PTCH2: variants seen among roughly 807,000 people sequenced by gnomAD.
PTCH2 encodes the protein protein patched homolog 2.
In PTCH2, 96 loss-of-function variants were observed where a neutral mutation model predicts 117.9. That is an observed-to-expected ratio of 0.81 (90% CI 0.69 to 0.96). The LOEUF is 0.96. Ranked by LOEUF, PTCH2 falls within the 50% of genes least tolerant of loss-of-function variation. The pLI is 0.00. For synonymous variants in PTCH2, 615 were observed against 660.9 expected (o/e 0.93, Z 1.06); for missense variants, 1,379 against 1,562.5 (o/e 0.88, Z 1.98).
At chr1:44,821,529 C>A (rs1652912633), downstream of PTCH2, among the ~76,000 whole-genome samples, 1 of 152,218 alleles carries the variant, frequency 6.6e-6, no homozygotes, top group Non-Finnish European at 1.5e-5. Context: ...CTTTCCTGAT[C>A]TGCCTCCACC....
At chr1:44,841,053 C>T (rs1028802599) in intron 2 of PTCH2, among the ~76,000 whole-genome samples, 5 of 151,802 alleles carry the variant, frequency 3.3e-5, no homozygotes, top group Non-Finnish European at 5.9e-5. Context: ...CACCTGTGAT[C>T]CCAGCTACTT....
rs757126865 is a variant in PTCH2, at chr1:44,823,180, G to T, written c.3258-12C>A. On this transcript the variant is annotated splice_polypyrimidine_tract_variant and intron_variant, in intron 20 of 21. Transcript: ENST00000372192. The surrounding 1 kb of genome is among the most constrained non-coding windows in gnomAD (Gnocchi z 5.1). ...CCGCAAAGAAGTACCTAGGGGTAGG[G>T]TGTGGGGGGAGTCAGCCCAGGCCTG... is the stretch of plus-strand genomic sequence containing the variant. The T allele has an allele frequency of 6.2e-7, 1 of 1,614,150 alleles. No individual in the cohort carries two copies. Among genetic ancestry groups the T allele is most frequent in the Non-Finnish European group, 8.5e-7 (1 of 1,180,002 alleles).
chr1:44,826,856 G>C lies in PTCH2; in HGVS notation c.2695+46C>G, dbSNP rs1266274665. 8 of 1,613,016 alleles carry C rather than the reference G, an allele frequency of 5.0e-6. No individual in the cohort carries two copies. Among genetic ancestry groups the C allele is most frequent in the Non-Finnish European group, 6.8e-6 (8 of 1,179,318 alleles). On this transcript the variant is annotated intron_variant, in intron 17 of 21. Transcript: ENST00000372192. The surrounding 1 kb of genome is among the most constrained non-coding windows in gnomAD (Gnocchi z 5.1). ...GGGCAGGGCCTCAGGCTCAGGGCTTGTGTGGGCGAGGCTGAGGCTCTTGCC... is the reference window on the plus strand; with the variant it reads ...GGGCAGGGCCTCAGGCTCAGGGCTTCTGTGGGCGAGGCTGAGGCTCTTGCC...
Position 44,827,954 on chromosome 1 carries a change from CTCCTGGCCT to C in PTCH2, c.1938_1946del (p.Gly647_Glu649del). 1 of 1,614,224 alleles carries C rather than the reference CTCCTGGCCT, an allele frequency of 6.2e-7. No individual in the cohort carries two copies. Among genetic ancestry groups the C allele is most frequent in the Non-Finnish European group, 8.5e-7 (1 of 1,180,046 alleles). On this transcript the variant is annotated inframe_deletion, in exon 14 of 22. Transcript: ENST00000372192. ...AGGCTGCCTTCTGCCTTGTCTCCTC[CTCCTGGCCT>C]AGAAGGTCCCGTGTGGACCCTCCAG...
chr1:44,830,433 A>G (rs1010904151), intron 6 of PTCH2, among the ~76,000 whole-genome samples: 1 of 151,848 alleles, frequency 6.6e-6, no homozygotes, highest in Non-Finnish European at 1.5e-5. Flanking sequence ...TAATCCCAGC[A>G]CTTTGGGAGG....
chr1:44,838,772 T>G (rs373185890), intron 2 of PTCH2, among the ~76,000 whole-genome samples: 2 of 150,980 alleles, frequency 1.3e-5, no homozygotes, highest in Non-Finnish European at 3.0e-5. Flanking sequence ...CAGGCTAGAG[T>G]GCAGTGGCAC....
At chr1:44,820,702 G>A, downstream of PTCH2, 1 of 718,278 alleles carries the variant, frequency 1.4e-6, no homozygotes, top group South Asian at 1.5e-5. Context: ...GATCTCCTCG[G>A]GCCTGGAAAG....
chr1:44,828,284 C>T lies in PTCH2; in HGVS notation c.1709+12G>A, dbSNP rs369351238. The T allele has an allele frequency of 9.4e-5, 151 of 1,613,424 alleles. No homozygotes were observed. The highest frequency in any genetic ancestry group is 1.2e-4 in the Non-Finnish European group (142 of 1,179,718). ...GGGTCACGGGAGGAAGGGGCTGGGG[C>T]GCAGGCAGTACCTGGAGAAGCAGCA... On this transcript the variant is annotated intron_variant, in intron 13 of 21. Coordinates refer to ENST00000372192, the MANE Select transcript of PTCH2 (RefSeq NM_003738.5).
At position 44,828,551 on chromosome 1, in the gene PTCH2, C is replaced by T. The variant is rs200923293; in HGVS notation, c.1545G>A (p.Met515Ile). Residue 515 changes from methionine (M) to isoleucine (I), a missense_variant, in exon 12 of 22, where the codon ATG (methionine) becomes ATA (isoleucine). Met to Ile is a conservative substitution (Grantham distance 10, BLOSUM62 1). Coordinates refer to ENST00000372192, the MANE Select transcript of PTCH2 (RefSeq NM_003738.5). ...TSINNMAAFLMAALVPIPALR... is the reference protein window; with the variant it reads ...TSINNMAAFLIAALVPIPALR... The stretch of plus-strand genomic sequence containing the variant: ...GCGCAGGGATGGGAACGAGGGCAGC[C>T]ATGAGGAAGGCGGCCATGTTGTTGA... 1.2e-6 allele frequency: 2 copies of T among 1,613,964 alleles called. No individual in the cohort carries two copies. The highest frequency in any genetic ancestry group is 1.6e-4 in the Middle Eastern group (1 of 6,078).
chr1:44,822,818 T>C (rs889990216), intron 21 of PTCH2, 149 bp from the exon 22 acceptor site: 1 of 952,760 alleles, frequency 1.0e-6, no homozygotes, highest in African/African-American at 1.6e-5. Context: ...CGACAGGATG[T>C]TGAGGCCTGG....
intron 2 of PTCH2, among the ~76,000 whole-genome samples, chr1:44,840,446 C>T (rs192621018): frequency 7.2e-4 from 105 of 146,630 alleles, no homozygotes; most frequent in African/African-American, 2.4e-3. Flanking sequence ...CACGGTGGCT[C>T]ACACCTGTAA....
rs781116824 is a variant in PTCH2 at position 44,829,428 on chromosome 1, G to A, written c.1189C>T (p.Arg397Cys). ...ATGAGCAGATAGCCTCCCACCACAC[G>A]GGCAGCACTGACTTCAGAGAACGCA... ...LHAFSEVSAARVVGGYLLMLA... is the reference protein window; with the variant it reads ...LHAFSEVSAACVVGGYLLMLA... The change falls in exon 9 of 22, where the codon CGT (arginine) becomes TGT (cysteine). Residue 397 changes from arginine (R) to cysteine (C), a missense_variant. By Grantham distance (180) the Arg-to-Cys change is radical (BLOSUM62 -3). Transcript: ENST00000372192. 21 of 1,613,798 alleles carry A rather than the reference G, an allele frequency of 1.3e-5. No homozygotes were observed. Among genetic ancestry groups the A allele is most frequent in the Admixed American group, 1.2e-4 (7 of 60,012 alleles).
chr1:44,820,454 A>C (rs1248599696), downstream of PTCH2: 6 of 682,354 alleles, frequency 8.8e-6, no homozygotes, highest in Admixed American at 2.0e-5. Flanking sequence ...GGGCACAGAC[A>C]CTCAGGGGCA....
rs200547824 is a variant in PTCH2, at chr1:44,838,988, C to T, written c.265+2859G>A. 1.1e-4 allele frequency among the ~76,000 whole-genome samples: 16 copies of T among 152,216 alleles called. No homozygotes were observed. The East Asian group carries it at 2.5e-3, about 24-fold the overall frequency. The stretch of plus-strand genomic sequence containing the variant: ...AGGAGATCCACCTACTTCGGCCTCC[C>T]GAAGTGCTGGGATTACAGGCGTGAG... On this transcript the variant is annotated intron_variant, in intron 2 of 21. Transcript: ENST00000372192.
downstream of PTCH2, chr1:44,820,229 G>T (rs549831093): frequency 9.9e-5 from 38 of 383,218 alleles, no homozygotes; most frequent in African/African-American, 6.8e-4. Flanking sequence ...GCGGCTCCGG[G>T]CTGTTCCGCG....
chr1:44,828,872 G>A, intron 11 of PTCH2, 110 bp downstream of exon 11: 1 of 1,288,938 alleles, frequency 7.8e-7, no homozygotes, highest in Non-Finnish European at 1.1e-6. Flanking sequence ...GTTTACAGAT[G>A]GGGACAAGAG....
rs1299063109 is a variant in PTCH2, at chr1:44,823,233, C to T, written c.3257+10G>A. On this transcript the variant is annotated intron_variant, in intron 20 of 21. Coordinates refer to ENST00000372192, the MANE Select transcript of PTCH2 (RefSeq NM_003738.5). This position sits in a 1 kb window ranked among gnomAD's most constrained non-coding sequence, Gnocchi z 5.1. Reference sequence around the variant, plus strand: ...CTGAGCCCTGCCTCCCTGCCCCGAGCCCTCCCTACCTTACAATGAAGTCAA... The same window carrying T: ...CTGAGCCCTGCCTCCCTGCCCCGAGTCCTCCCTACCTTACAATGAAGTCAA... The T allele has an allele frequency of 6.2e-7, 1 of 1,614,094 alleles. No individual in the cohort carries two copies. The highest frequency in any genetic ancestry group is 1.3e-5 in the African/African-American group (1 of 74,940).
chr1:44,831,857 T>C lies in PTCH2; in HGVS notation c.526-60A>G. The C allele has an allele frequency of 6.3e-7, 1 of 1,587,936 alleles. No homozygotes were observed. The highest frequency in any genetic ancestry group is 2.2e-5 in the East Asian group (1 of 44,726). ...CCCACAACCTTTGTAGGATGCCCTC[T>C]GCAATCCCCCTCCTTAGTTTTAAGG... On this transcript the variant is annotated intron_variant, in intron 4 of 21. Coordinates refer to ENST00000372192, the MANE Select transcript of PTCH2 (RefSeq NM_003738.5). The surrounding 1 kb of genome is among the most constrained non-coding windows in gnomAD (Gnocchi z 4.3).
At chr1:44,834,387 T>G (rs1421831526) in intron 2 of PTCH2, among the ~76,000 whole-genome samples, 1 of 152,140 alleles carries the variant, frequency 6.6e-6, no homozygotes, top group Non-Finnish European at 1.5e-5. Flanking sequence ...CCTCACAAAG[T>G]GCTGGGATTA....
Sources: allele counts gnomAD v4.1 joint callset (sites outside exome capture counted in the v4.1 genomes callset), GRCh38; gene constraint gnomAD v4.1.1; non-coding constraint Gnocchi (gnomAD v3.1); transcripts MANE v1.5; gene names NCBI Gene and HGNC (gene_info 2026-07-23, HGNC 2026-07-21).